SAMD7: variants seen among roughly 807,000 people sequenced by gnomAD.
SAMD7 encodes the protein sterile alpha motif domain-containing protein 7.
In SAMD7, 34 loss-of-function variants were observed where a neutral mutation model predicts 36.7. That is an observed-to-expected ratio of 0.93 (90% CI 0.71 to 1.23). The LOEUF is 1.23. Ranked by LOEUF, SAMD7 falls within the 50% of genes most tolerant of loss-of-function variation. The probability of loss-of-function intolerance (pLI) is 0.00; values close to 1 mark genes in which losing one functional copy is unlikely to be tolerated. For synonymous variants in SAMD7, 188 were observed against 189.7 expected, an observed-to-expected ratio of 0.99 and a Z score of 0.07; for missense variants, 570 against 546.6, an observed-to-expected ratio of 1.04 and a Z score of -0.43.
intron 5 of SAMD7, 134 bp from the exon 6 acceptor site, chr3:169,926,419 G>C (rs1713257157): frequency 4.3e-6 from 5 of 1,176,324 alleles, no homozygotes; most frequent in South Asian, 1.6e-5. Context: ...GTGGCTTTGT[G>C]GGGGATTCAT....
At chr3:169,936,519 C>T in intron 8 of SAMD7, 70 bp downstream of exon 8, 1 of 847,560 alleles carries the variant, frequency 1.2e-6, no homozygotes. Context: ...TTACTTTTAT[C>T]TTGTTGTAAT....
At chr3:169,930,324 AGTC>A (rs1286186385) in intron 7 of SAMD7, among the ~76,000 whole-genome samples, 3 of 152,172 alleles carry the variant, frequency 2.0e-5, no homozygotes, top group African/African-American at 7.2e-5. Context: ...TTTAGGATCA[AGTC>A]CTGCTTTAGT....
intron 7 of SAMD7, chr3:169,932,152 TGGATGGAGCTGTCAC>T: frequency 1.7e-6 from 1 of 580,138 alleles, no homozygotes; most frequent in South Asian, 1.9e-5. Flanking sequence ...GACTGGCTTG[TGGATGGAGCTGTCAC>T]CCAAGTTGGA....
At chr3:169,935,524 G>GTTTTGT (rs1211468192) in intron 7 of SAMD7, among the ~76,000 whole-genome samples, 40 of 151,344 alleles carry the variant, frequency 2.6e-4, no homozygotes, top group African/African-American at 9.7e-4. Context: ...GTTTTGTTTT[G>GTTTTGT]TTTTTTTAGT....
chr3:169,925,359 G>C (rs1192463101), intron 5 of SAMD7, among the ~76,000 whole-genome samples: 2 of 142,656 alleles, frequency 1.4e-5, no homozygotes, highest in Non-Finnish European at 3.0e-5. Flanking sequence ...TAATAAACTT[G>C]CTTTCACTTA....
chr3:169,938,215 T>C lies in SAMD7; in HGVS notation c.1153-103T>C, dbSNP rs1262396628. Reference sequence around the variant, plus strand: ...CCCACAACTATATGTTAATAGATGCTCCATGCCTGAAATTACCTCAGCCTC... The same window carrying C: ...CCCACAACTATATGTTAATAGATGCCCCATGCCTGAAATTACCTCAGCCTC... On this transcript the variant is annotated intron_variant, in intron 8 of 8. Coordinates refer to ENST00000335556, the MANE Select transcript of SAMD7 (RefSeq NM_001304366.2). The C allele has an allele frequency of 1.7e-5, 12 of 720,388 alleles. No homozygotes were observed. The East Asian group carries it at 3.2e-4, about 19-fold the overall frequency. 44.6% of individuals were successfully genotyped at this position (720,388 alleles called of 1,614,324 possible). A position where few individuals can be genotyped will look rare whatever the true frequency, so the allele number is the denominator to read the frequency against.
chr3:169,913,267 G>A (rs570748992), intron 1 of SAMD7, among the ~76,000 whole-genome samples: 21 of 152,130 alleles, frequency 1.4e-4, no homozygotes, highest in Non-Finnish European at 2.2e-4. Flanking sequence ...TTCTACATAC[G>A]ATTAGTCAAA....
chr3:169,919,396 G>T, intron 2 of SAMD7, 62 bp from the exon 3 acceptor site: 1 of 895,040 alleles, frequency 1.1e-6, no homozygotes, highest in South Asian at 1.4e-5. Context: ...TGTTCAAGAA[G>T]AATTCAAATA....
At chr3:169,935,314 G>A (rs1713679661) in intron 7 of SAMD7, among the ~76,000 whole-genome samples, 1 of 152,154 alleles carries the variant, frequency 6.6e-6, no homozygotes, top group African/African-American at 2.4e-5. Flanking sequence ...GAAGAGAAAA[G>A]AGGGAATTAT....
intron 1 of SAMD7, among the ~76,000 whole-genome samples, chr3:169,913,678 T>A (rs948075949): frequency 2.1e-4 from 32 of 152,248 alleles, no homozygotes; most frequent in African/African-American, 7.2e-4. Flanking sequence ...CGCTCTGCAC[T>A]GAAAATTTAT....
intron 8 of SAMD7, among the ~76,000 whole-genome samples, chr3:169,937,247 CT>C (rs199520332): frequency 1.9e-4 from 28 of 151,306 alleles, no homozygotes; most frequent in Non-Finnish European, 3.0e-4. Flanking sequence ...TATTGGCCTT[CT>C]TTTTTTTTAA....
rs192648609 is a variant in SAMD7, at chr3:169,917,872, A to C, written c.-41-1586A>C. Reference sequence around the variant, plus strand: ...TAGCTAGGCTGGTCTCGATCTCCTGACCTCATGATCCGCCCGCCTCGGCCT... The same window carrying C: ...TAGCTAGGCTGGTCTCGATCTCCTGCCCTCATGATCCGCCCGCCTCGGCCT... On this transcript the variant is annotated intron_variant, in intron 2 of 8. Coordinates refer to ENST00000335556, the MANE Select transcript of SAMD7 (RefSeq NM_001304366.2). Among the ~76,000 whole-genome samples, 36 of 151,862 alleles carry C rather than the reference A, an allele frequency of 2.4e-4. 1 individual carries two copies. The East Asian group carries it at 7.0e-3, about 30-fold the overall frequency.
chr3:169,916,490 A>G (rs1361445658), intron 2 of SAMD7, among the ~76,000 whole-genome samples: 1 of 152,154 alleles, frequency 6.6e-6, no homozygotes, highest in Admixed American at 6.5e-5. Context: ...TACTAAAAAT[A>G]CAAAAAAATT....
chr3:169,927,285 C>CTTTTTTTTTTTTT (rs71634451), intron 6 of SAMD7, 104 bp downstream of exon 6: 6 of 141,804 alleles, frequency 4.2e-5, no homozygotes, highest in East Asian at 1.5e-4. Flanking sequence ...TTTTATCTTT[C>CTTTTTTTTTTTTT]TTTTTTTTTT....
intron 7 of SAMD7, among the ~76,000 whole-genome samples, chr3:169,936,090 A>G (rs905938024): frequency 1.3e-5 from 2 of 152,250 alleles, no homozygotes; most frequent in African/African-American, 4.8e-5. Context: ...CCCTCAAATA[A>G]TCACTATTCC....
At position 169,930,578 on chromosome 3, in the gene SAMD7, CTT is replaced by C. The variant is rs772549629; in HGVS notation, c.1041+2020_1041+2021del. ...TTGTTACTCATAGCCCCTTTCTTTT[CTT>C]TTTTTTTTTTTTTTTTTTTGAGACA... On this transcript the variant is annotated intron_variant, in intron 7 of 8. Transcript: ENST00000335556. 2.8e-3 allele frequency among the ~76,000 whole-genome samples: 285 copies of C among 101,702 alleles called. 1 individual carries two copies. The highest frequency in any genetic ancestry group is 5.7e-3 in the Middle Eastern group (1 of 176). The allele number at this position is 101,702 out of a possible 152,430, so 66.7% of individuals were successfully genotyped here. A position where few individuals can be genotyped will look rare whatever the true frequency, so the allele number is the denominator to read the frequency against.
chr3:169,912,523 C>T (rs1236637212), intron 1 of SAMD7, among the ~76,000 whole-genome samples: 1 of 152,162 alleles, frequency 6.6e-6, no homozygotes, highest in East Asian at 1.9e-4. Context: ...TGTAGTTGCA[C>T]ATAAATTATA....
intron 7 of SAMD7, chr3:169,932,882 T>C: frequency 4.8e-6 from 3 of 628,678 alleles, no homozygotes; most frequent in South Asian, 3.0e-5. Context: ...CTGCCATTAC[T>C]ATAAGAACTT....
At chr3:169,935,788 G>A (rs758728809) in intron 7 of SAMD7, among the ~76,000 whole-genome samples, 23 of 152,274 alleles carry the variant, frequency 1.5e-4, no homozygotes, top group Non-Finnish European at 2.2e-4. Flanking sequence ...AGGAAGGCAC[G>A]CCACGTCCAC....
Sources: gnomAD v4.1 joint callset for allele counts (sites outside exome capture counted in the v4.1 genomes callset) on GRCh38, gnomAD v4.1.1 for gene constraint, MANE v1.5 for transcripts, NCBI Gene and HGNC (gene_info 2026-07-23, HGNC 2026-07-21) for gene names.